NLGN1: variants seen among roughly 807,000 people sequenced by gnomAD.
NLGN1 encodes neuroligin-1.
A neutral mutation model predicts 65.5 loss-of-function variants in NLGN1; 12 were observed. The ratio of observed to expected loss-of-function variants is 0.18; its 90% confidence interval spans 0.12 to 0.30. The LOEUF (loss-of-function observed/expected upper bound fraction) is 0.30, where lower values mean the gene tolerates loss of function less well. NLGN1 is among the 10% of genes least tolerant of loss of function. The probability of loss-of-function intolerance (pLI) is 1.00; values close to 1 mark genes in which losing one functional copy is unlikely to be tolerated. For missense variants in NLGN1, 750 were observed against 1,007.1 expected, an observed-to-expected ratio of 0.74 and a Z score of 3.46; for synonymous variants, 350 against 359.5, an observed-to-expected ratio of 0.97 and a Z score of 0.30.
chr3:173,969,913 T>TA lies in NLGN1; in HGVS notation c.646+162093dup, dbSNP rs201121045. Among the ~76,000 whole-genome samples, 622 of 144,660 alleles carry TA rather than the reference T, an allele frequency of 4.3e-3. 5 individuals are homozygous for TA. Among genetic ancestry groups the TA allele is most frequent in the African/African-American group, 0.014 (549 of 39,836 alleles). The allele number at this position is 144,660 out of a possible 152,430, so 94.9% of individuals were successfully genotyped here. A position where few individuals can be genotyped will look rare whatever the true frequency, so the allele number is the denominator to read the frequency against. On this transcript the variant is annotated intron_variant, in intron 4 of 6. Coordinates refer to ENST00000457714, the Ensembl canonical transcript of NLGN1. ...TCTGCATGGAGAAGATATTTGGGCT[T>TA]AAAAAAAAAAAAGATCTAACCACAA...
At chr3:173,594,083 C>A (rs1435916102) in intron 2 of NLGN1, among the ~76,000 whole-genome samples, 1 of 152,068 alleles carries the variant, frequency 6.6e-6, no homozygotes, top group Non-Finnish European at 1.5e-5. Flanking sequence ...TGCCCCTGGC[C>A]CCTCCAAATC....
intron 3 of NLGN1, among the ~76,000 whole-genome samples, chr3:173,611,042 TAAAG>T (rs1311925121): frequency 4.6e-5 from 7 of 152,048 alleles, no homozygotes; most frequent in Admixed American, 6.6e-5. Context: ...GATTTTGAAT[TAAAG>T]GAAGGAACGT....
At chr3:174,032,036 A>C (rs1444763209) in intron 4 of NLGN1, among the ~76,000 whole-genome samples, 1 of 152,132 alleles carries the variant, frequency 6.6e-6, no homozygotes, top group African/African-American at 2.4e-5. Flanking sequence ...AATTCTAAGA[A>C]ACAAATGATT....
intron 4 of NLGN1, among the ~76,000 whole-genome samples, chr3:174,099,693 C>T (rs1175462489): frequency 6.6e-6 from 1 of 151,502 alleles, no homozygotes; most frequent in Non-Finnish European, 1.5e-5. Flanking sequence ...TTTAGTATGA[C>T]ATAGTAAAGT....
intron 2 of NLGN1, among the ~76,000 whole-genome samples, chr3:173,577,965 G>A (rs905391327): frequency 1.1e-4 from 17 of 152,108 alleles, no homozygotes; most frequent in South Asian, 4.1e-4. Flanking sequence ...GGCCGGATGC[G>A]GTCGCTCACG....
intron 2 of NLGN1, among the ~76,000 whole-genome samples, chr3:173,526,426 A>G (rs1329412733): frequency 6.6e-6 from 1 of 151,678 alleles, no homozygotes; most frequent in African/African-American, 2.4e-5. Flanking sequence ...TTTGTGTGAT[A>G]TATCTTTTTC....
intron 2 of NLGN1, among the ~76,000 whole-genome samples, chr3:173,549,849 C>G (rs1740550321): frequency 6.6e-6 from 1 of 152,086 alleles, no homozygotes; most frequent in African/African-American, 2.4e-5. Flanking sequence ...ATTGCTCACT[C>G]TATTATGGAA....
intron 3 of NLGN1, among the ~76,000 whole-genome samples, chr3:173,633,196 C>A (rs1484235838): frequency 1.3e-5 from 2 of 152,136 alleles, no homozygotes; most frequent in Admixed American, 1.3e-4. Context: ...GACATTTTCA[C>A]ATCATAATTG....
chr3:174,212,643 A>T (rs1201159045), intron 4 of NLGN1, among the ~76,000 whole-genome samples: 2 of 152,262 alleles, frequency 1.3e-5, no homozygotes, highest in African/African-American at 4.8e-5. Flanking sequence ...CATTATCAAC[A>T]TACAGAGATG....
chr3:174,284,883 A>C (rs1294265333), exon 7 of NLGN1: 1 of 151,358 alleles, frequency 6.6e-6, no homozygotes, highest in South Asian at 2.1e-4. Context: ...GTGATGCTTT[A>C]TTTCCGACTT....
chr3:173,493,690 T>C (rs1355013318), intron 2 of NLGN1, among the ~76,000 whole-genome samples: 1 of 151,774 alleles, frequency 6.6e-6, no homozygotes, highest in Non-Finnish European at 1.5e-5. Flanking sequence ...AAATACTTTG[T>C]CCACATTCAC....
intron 3 of NLGN1, among the ~76,000 whole-genome samples, chr3:173,612,542 C>T (rs1752464410): frequency 6.6e-6 from 1 of 152,022 alleles, no homozygotes; most frequent in Admixed American, 6.6e-5. Context: ...CAATTTCTAG[C>T]TCTGTTGTCA....
intron 4 of NLGN1, among the ~76,000 whole-genome samples, chr3:174,021,704 A>G (rs1553916062): frequency 1.3e-5 from 2 of 152,184 alleles, no homozygotes; most frequent in Non-Finnish European, 2.9e-5. Context: ...TTAGAGCTAC[A>G]TGCTGAGAAT....
chr3:173,920,556 A>G (rs1325309490), intron 4 of NLGN1: 1 of 152,178 alleles, frequency 6.6e-6, no homozygotes, highest in African/African-American at 2.4e-5. Context: ...ATCTTCAGCC[A>G]CCTTCAAGCA....
intron 4 of NLGN1, among the ~76,000 whole-genome samples, chr3:173,952,442 A>C (rs1157943390): frequency 1.3e-5 from 2 of 152,182 alleles, no homozygotes; most frequent in East Asian, 3.9e-4. Context: ...ATTTTACTCT[A>C]GTGCTATCCT....
At chr3:174,163,531 A>G (rs997601137) in intron 4 of NLGN1, among the ~76,000 whole-genome samples, 4 of 151,822 alleles carry the variant, frequency 2.6e-5, no homozygotes, top group African/African-American at 9.7e-5. Context: ...TGATCCCATC[A>G]CCCCGGTACT....
intron 4 of NLGN1, among the ~76,000 whole-genome samples, chr3:174,238,263 G>A (rs1187970562): frequency 1.3e-5 from 2 of 151,996 alleles, no homozygotes; most frequent in Admixed American, 1.3e-4. Context: ...TGGAATGTGT[G>A]TCTAAACTCT....
chr3:173,743,617 T>G (rs1774962875), intron 3 of NLGN1, among the ~76,000 whole-genome samples: 1 of 152,182 alleles, frequency 6.6e-6, no homozygotes, highest in East Asian at 1.9e-4. Context: ...ATGGTATTGC[T>G]AACATTCTGT....
At chr3:174,269,686 A>ATTCTT (rs976484289) in intron 4 of NLGN1, among the ~76,000 whole-genome samples, 1 of 151,944 alleles carries the variant, frequency 6.6e-6, no homozygotes, top group African/African-American at 2.4e-5. Context: ...CCTGCTTTGA[A>ATTCTT]TTCTTTTGTA....
Sources: allele counts gnomAD v4.1 joint callset (sites outside exome capture counted in the v4.1 genomes callset), GRCh38; gene constraint gnomAD v4.1.1; transcripts MANE v1.5; gene names NCBI Gene and HGNC (gene_info 2026-07-23, HGNC 2026-07-21).